Variants in ILDR2 observed in about 807,000 individuals in gnomAD.
The protein encoded by ILDR2 is immunoglobulin like domain containing receptor 2, also known as immunoglobulin-like domain-containing receptor 2.
In ILDR2, 25 loss-of-function variants were observed where a neutral mutation model predicts 66.8. The observed-to-expected ratio is 0.37, with a 90% CI of 0.27 to 0.52. The LOEUF (loss-of-function observed/expected upper bound fraction) is 0.52. ILDR2 is among the 20% of genes least tolerant of loss of function. ILDR2 has a pLI of 0.88. For synonymous variants in ILDR2, 367 were observed against 357.2 expected, an observed-to-expected ratio of 1.03 and a Z score of -0.31; for missense variants, 827 against 876.8, an observed-to-expected ratio of 0.94 and a Z score of 0.72.
chr1:166,913,771 A>G lies in ILDR2; in HGVS notation c.*5584T>C, dbSNP rs1027372749. The G allele has an allele frequency of 1.3e-5, 2 of 152,212 alleles. No individual in the cohort carries two copies. The highest frequency in any genetic ancestry group is 2.1e-4 in the South Asian group (1 of 4,834). The allele number at this position is 152,212 out of a possible 1,614,324, so 9.4% of individuals were successfully genotyped here. ...ATTCAGAAACTTCTCTGCAAGAAGGATTCTCCAGAAAACCTGAAGCATATA... is the reference window on the plus strand; with the variant it reads ...ATTCAGAAACTTCTCTGCAAGAAGGGTTCTCCAGAAAACCTGAAGCATATA... On this transcript the variant is annotated 3_prime_UTR_variant, in exon 10 of 10. Transcript: ENST00000271417.
Position 166,923,586 on chromosome 1 carries a change from G to A in ILDR2, c.995-777C>T, listed in dbSNP as rs1469928972. ...GCATTTTGGAAGTATGGAAAGAAGA[G>A]GAGGGTGTGCTGTACTTATACCTGT... On this transcript the variant is annotated intron_variant, in intron 7 of 9. Coordinates refer to ENST00000271417, the MANE Select transcript of ILDR2 (RefSeq NM_199351.3). 2.0e-5 allele frequency among the ~76,000 whole-genome samples: 3 copies of A among 152,224 alleles called. No homozygotes were observed. The East Asian group carries it at 5.8e-4, about 29-fold the overall frequency.
chr1:166,955,582 G>A (rs546534817), intron 3 of ILDR2, among the ~76,000 whole-genome samples: 5 of 152,208 alleles, frequency 3.3e-5, no homozygotes, highest in African/African-American at 7.2e-5. Context: ...CATCCTGGGC[G>A]ACAGAGTGAG....
intron 3 of ILDR2, among the ~76,000 whole-genome samples, chr1:166,953,768 G>A (rs1299102850): frequency 1.3e-5 from 2 of 152,168 alleles, no homozygotes; most frequent in Non-Finnish European, 2.9e-5. Context: ...CATCAATCAT[G>A]TTCATCTACT....
At chr1:166,924,525 C>G (rs900691362) in intron 7 of ILDR2, among the ~76,000 whole-genome samples, 1 of 152,238 alleles carries the variant, frequency 6.6e-6, no homozygotes, top group Non-Finnish European at 1.5e-5. Context: ...GCCCCCATCT[C>G]ACAGACATCC....
At chr1:166,903,204 T>C (rs1659289296), downstream of ILDR2, among the ~76,000 whole-genome samples, 1 of 152,220 alleles carries the variant, frequency 6.6e-6, no homozygotes, top group Admixed American at 6.5e-5. Flanking sequence ...ACATTTCTCA[T>C]TGATTTAATT....
downstream of ILDR2, chr1:166,908,178 T>C (rs1398732593): frequency 1.3e-5 from 2 of 152,334 alleles, no homozygotes; most frequent in East Asian, 1.9e-4. Context: ...AAAAATACCA[T>C]AGACTAGGTG....
At chr1:166,920,685 G>C (rs1439945197) in intron 9 of ILDR2, 22 bp downstream of exon 9, 2 of 1,368,860 alleles carry the variant, frequency 1.5e-6, no homozygotes, top group Admixed American at 3.6e-5. Flanking sequence ...CCTCGGAGGA[G>C]GGGAGGCAGA....
Position 166,936,446 on chromosome 1 carries a change from C to A in ILDR2, c.703+145G>T. ...GAATGGTCATCCCTGAGGCCAGGGG[C>A]ACCCAGCGGAGAAGAGTCTGGAATG... On this transcript the variant is annotated intron_variant, in intron 5 of 9. Transcript: ENST00000271417. This position sits in a 1 kb window ranked among gnomAD's most constrained non-coding sequence, Gnocchi z 5.0. 8.1e-7 allele frequency: 1 copy of A among 1,237,350 alleles called. No individual in the cohort carries two copies. Among genetic ancestry groups the A allele is most frequent in the Non-Finnish European group, 1.1e-6 (1 of 886,080 alleles). 76.6% of individuals were successfully genotyped at this position (1,237,350 alleles called of 1,614,324 possible).
intron 3 of ILDR2, among the ~76,000 whole-genome samples, chr1:166,947,987 G>A (rs772995101): frequency 6.6e-6 from 1 of 152,126 alleles, no homozygotes; most frequent in Non-Finnish European, 1.5e-5. Context: ...CGTCATTTAT[G>A]GTTCAAAAAT....
In ILDR2 at chr1:166,920,827, G is replaced by A. The variant is rs1221962377; in HGVS notation, c.1764C>T (p.Asp588=). 4 of 1,519,524 alleles carry A rather than the reference G, an allele frequency of 2.6e-6. No individual in the cohort carries two copies. Among genetic ancestry groups the A allele is most frequent in the East Asian group, 2.7e-5 (1 of 37,566 alleles). The allele number at this position is 1,519,524 out of a possible 1,614,324, so 94.1% of individuals were successfully genotyped here. The change falls in exon 9 of 10, where the codon GAC becomes GAT. Residue 588 remains aspartate, a synonymous_variant. Coordinates refer to ENST00000271417, the MANE Select transcript of ILDR2 (RefSeq NM_199351.3). ...SSQDDQEDAS[D]DALPPYSELE... ...GCTCGCTGTAGGGCGGCAGCGCGTC[G>A]TCGGACGCGTCCTCCTGGTCGTCCT... is the stretch of plus-strand genomic sequence containing the variant.
chr1:166,971,151 C>T (rs765932031), intron 1 of ILDR2, among the ~76,000 whole-genome samples: 2 of 152,202 alleles, frequency 1.3e-5, no homozygotes, highest in Non-Finnish European at 2.9e-5. Context: ...AGATCTTTAT[C>T]ACTGCTTTTG....
chr1:166,934,908 G>A (rs11582566), intron 6 of ILDR2, among the ~76,000 whole-genome samples: 57,811 of 151,986 alleles, frequency 0.38, 11,172 homozygotes, highest in Middle Eastern at 0.51. Flanking sequence ...ATAAAGGTCC[G>A]TTCTCTCCCT....
chr1:166,925,102 C>T (rs1660199640), intron 7 of ILDR2, among the ~76,000 whole-genome samples: 1 of 152,136 alleles, frequency 6.6e-6, no homozygotes, highest in Non-Finnish European at 1.5e-5. Flanking sequence ...AAAACATCCC[C>T]TAAACAACCC....
At chr1:166,896,195 G>A (rs908902327) in intron 2 of ILDR2, 1 of 152,510 alleles carries the variant, frequency 6.6e-6, no homozygotes, top group Non-Finnish European at 1.5e-5. Flanking sequence ...CTGTTACTGA[G>A]AGAAGGAACT....
At position 166,911,582 on chromosome 1, in the gene ILDR2, T is replaced by A. The variant is rs1263750933; in HGVS notation, c.*7773A>T. ...ACTCTAAAAGTAGACCCACAAAGAC[T>A]GTAGATATTGGAATTACTGGATATA... is the stretch of plus-strand genomic sequence containing the variant. On this transcript the variant is annotated 3_prime_UTR_variant, in exon 10 of 10. Transcript: ENST00000271417. 1 of 151,688 alleles carries A rather than the reference T, an allele frequency of 6.6e-6. No homozygotes were observed. The highest frequency in any genetic ancestry group is 1.5e-5 in the Non-Finnish European group (1 of 67,972). 9.4% of individuals were successfully genotyped at this position (151,688 alleles called of 1,614,324 possible).
intron 7 of ILDR2, among the ~76,000 whole-genome samples, chr1:166,923,655 G>A (rs1469132665): frequency 6.6e-6 from 1 of 152,184 alleles, no homozygotes; most frequent in Non-Finnish European, 1.5e-5. Flanking sequence ...AATACAAATG[G>A]GGGTATCTAG....
chr1:166,954,137 A>G (rs567680041), intron 3 of ILDR2, among the ~76,000 whole-genome samples: 20 of 152,278 alleles, frequency 1.3e-4, no homozygotes, highest in South Asian at 6.2e-4. Context: ...ATAAAATTCA[A>G]TGACTGAGCC....
intron 1 of ILDR2, among the ~76,000 whole-genome samples, chr1:166,970,032 C>T (rs931331330): frequency 5.9e-5 from 9 of 152,108 alleles, no homozygotes; most frequent in Admixed American, 1.3e-4. Context: ...AGAAAAACAT[C>T]GGGAGAAAGA....
chr1:166,914,555 A>AT lies in ILDR2; in HGVS notation c.*4799_*4800insA, dbSNP rs548491552. On this transcript the variant is annotated 3_prime_UTR_variant, in exon 10 of 10. Transcript: ENST00000271417. The stretch of plus-strand genomic sequence containing the variant: ...TTGGGATCAAATGAAAGTGTTCTGT[A>AT]AACAGTAATATATCATAAAAATAAC... The AT allele has an allele frequency of 4.1e-4, 63 of 152,360 alleles. No individual in the cohort carries two copies. The highest frequency in any genetic ancestry group is 4.1e-3 in the Admixed American group (63 of 15,312). 9.4% of individuals were successfully genotyped at this position (152,360 alleles called of 1,614,324 possible).
Sources: gnomAD v4.1 joint callset for allele counts (sites outside exome capture counted in the v4.1 genomes callset) on GRCh38, gnomAD v4.1.1 for gene constraint, Gnocchi (gnomAD v3.1) non-coding constraint, MANE v1.5 for transcripts, NCBI Gene and HGNC (gene_info 2026-07-23, HGNC 2026-07-21) for gene names.